PDS5B: variants seen among roughly 807,000 people sequenced by gnomAD.
PDS5B encodes PDS5 cohesin associated factor B.
A neutral mutation model predicts 184.1 loss-of-function variants in PDS5B; 51 were observed. The ratio of observed to expected loss-of-function variants is 0.28; its 90% confidence interval spans 0.22 to 0.35. PDS5B has a LOEUF of 0.35. Ranked by LOEUF, PDS5B falls within the 10% of genes least tolerant of loss-of-function variation. The pLI is 1.00. For missense variants in PDS5B, 1,180 were observed against 1,723.3 expected, an observed-to-expected ratio of 0.68 and a Z score of 5.58; for synonymous variants, 566 against 569.2, an observed-to-expected ratio of 0.99 and a Z score of 0.08.
chr13:32,672,747 C>T (rs918207471), intron 7 of PDS5B, among the ~76,000 whole-genome samples: 1 of 152,154 alleles, frequency 6.6e-6, no homozygotes, highest in Admixed American at 6.5e-5. Context: ...TTGGGCCTTC[C>T]AGCCTATTTG....
Position 32,683,869 on chromosome 13 carries a change from A to G in PDS5B, c.1058-9A>G, listed in dbSNP as rs779507292. The G allele has an allele frequency of 5.1e-6, 8 of 1,566,962 alleles. No homozygotes were observed. In the Admixed American group the frequency reaches 8.7e-5, roughly 17 times the overall value. Reference sequence around the variant, plus strand: ...AAAATTTCCACTGTAATAAAATGTTATCTTTCAGAGTATCTTAAAGTGAGG... The same window carrying G: ...AAAATTTCCACTGTAATAAAATGTTGTCTTTCAGAGTATCTTAAAGTGAGG... On this transcript the variant is annotated splice_polypyrimidine_tract_variant and intron_variant, in intron 10 of 34. Transcript: ENST00000315596.
chr13:32,659,975 G>A (rs529178336), intron 6 of PDS5B, among the ~76,000 whole-genome samples: 2 of 152,218 alleles, frequency 1.3e-5, no homozygotes, highest in Admixed American at 1.3e-4. Context: ...AACTCTTAAA[G>A]AAAACAGTCT....
chr13:32,751,924 A>G (rs963993278), intron 24 of PDS5B, among the ~76,000 whole-genome samples: 1 of 152,206 alleles, frequency 6.6e-6, no homozygotes, highest in Admixed American at 6.5e-5. Context: ...GAAATGAAAG[A>G]AGATTTTAAA....
chr13:32,768,635 A>G (rs956637213), intron 31 of PDS5B, among the ~76,000 whole-genome samples: 1 of 151,688 alleles, frequency 6.6e-6, no homozygotes, highest in Non-Finnish European at 1.5e-5. Context: ...TCTGCTAAAA[A>G]TACAAAAATT....
rs368080614 is a variant in PDS5B, at chr13:32,775,097, CTTTTTT to C, written c.*55_*60del. 4.6e-6 allele frequency: 4 copies of C among 864,550 alleles called. No homozygotes were observed. Among genetic ancestry groups the C allele is most frequent in the African/African-American group, 4.1e-5 (2 of 49,372 alleles). 53.6% of individuals were successfully genotyped at this position (864,550 alleles called of 1,614,324 possible). On this transcript the variant is annotated 3_prime_UTR_variant, in exon 35 of 35. Transcript: ENST00000315596. ...TTCTCTGTGAAAGCTTTGGAAAAAT[CTTTTTT>C]TTTTTTTTTGGTCAAGCTTGAGGCT...
At chr13:32,764,917 A>G (rs1172938411) in intron 31 of PDS5B, among the ~76,000 whole-genome samples, 1 of 152,084 alleles carries the variant, frequency 6.6e-6, no homozygotes, top group Admixed American at 6.6e-5. Context: ...TTGTTAACAT[A>G]GGATATTTAG....
chr13:32,682,286 TC>T (rs1291072621), intron 10 of PDS5B, among the ~76,000 whole-genome samples: 4 of 152,186 alleles, frequency 2.6e-5, no homozygotes, highest in Non-Finnish European at 5.9e-5. Flanking sequence ...TCCCCCTGTA[TC>T]CCCTTCCAGT....
intron 1 of PDS5B, among the ~76,000 whole-genome samples, chr13:32,638,119 A>G (rs1475416031): frequency 4.6e-5 from 7 of 152,152 alleles, no homozygotes; most frequent in Admixed American, 2.0e-4. Context: ...GTGCATATAC[A>G]TTCTAATTTT....
At chr13:32,718,489 G>T (rs1358299183) in intron 19 of PDS5B, among the ~76,000 whole-genome samples, 1 of 152,058 alleles carries the variant, frequency 6.6e-6, no homozygotes, top group Non-Finnish European at 1.5e-5. Flanking sequence ...TAATAAGATA[G>T]GAATCCGTAC....
At chr13:32,588,004 C>G (rs909294230) in intron 1 of PDS5B, among the ~76,000 whole-genome samples, 1 of 152,194 alleles carries the variant, frequency 6.6e-6, no homozygotes, top group Non-Finnish European at 1.5e-5. Flanking sequence ...GCAGTATAGT[C>G]ATTGTTCTCA....
chr13:32,706,887 C>A, intron 17 of PDS5B, 47 bp from the exon 18 acceptor site: 4 of 1,129,492 alleles, frequency 3.5e-6, no homozygotes, highest in East Asian at 2.4e-5. Context: ...TTTTCTTAGA[C>A]ATTGCTAGTA....
At chr13:32,642,555 A>G (rs1030920293) in intron 1 of PDS5B, among the ~76,000 whole-genome samples, 1 of 152,190 alleles carries the variant, frequency 6.6e-6, no homozygotes, top group African/African-American at 2.4e-5. Flanking sequence ...TTTTACTCAT[A>G]GGAAAAACAA....
At chr13:32,635,565 A>G (rs529651136) in intron 1 of PDS5B, among the ~76,000 whole-genome samples, 20 of 142,072 alleles carry the variant, frequency 1.4e-4, no homozygotes, top group African/African-American at 5.0e-4. Flanking sequence ...GATGGTCTTG[A>G]TCTCTTGACC....
In PDS5B at chr13:32,648,255, T is replaced by G. The variant is rs182443369; in HGVS notation, c.-19-499T>G. ...ACATTAATGTCAGGAGAGTTTCCTA[T>G]TTGACTGTCTGCCTTGATATGTTCA... is the stretch of plus-strand genomic sequence containing the variant. On this transcript the variant is annotated intron_variant, in intron 1 of 34. Coordinates refer to ENST00000315596, the MANE Select transcript of PDS5B (RefSeq NM_015032.4). 3.1e-4 allele frequency among the ~76,000 whole-genome samples: 47 copies of G among 152,304 alleles called. No homozygotes were observed. In the South Asian group the frequency reaches 3.7e-3, roughly 12 times the overall value.
chr13:32,611,154 C>G (rs1356400857), intron 1 of PDS5B, among the ~76,000 whole-genome samples: 1 of 152,138 alleles, frequency 6.6e-6, no homozygotes, highest in Non-Finnish European at 1.5e-5. Context: ...AACCTCCTTT[C>G]TAAGCGTTTT....
intron 34 of PDS5B, among the ~76,000 whole-genome samples, chr13:32,773,965 G>A (rs1416639042): frequency 2.6e-5 from 4 of 152,116 alleles, no homozygotes; most frequent in Admixed American, 6.5e-5. Flanking sequence ...CACTGTGCCC[G>A]ACTAGTTTTT....
chr13:32,599,921 A>C (rs1212314617), intron 1 of PDS5B, among the ~76,000 whole-genome samples: 1 of 152,098 alleles, frequency 6.6e-6, no homozygotes, highest in Non-Finnish European at 1.5e-5. Flanking sequence ...TCTCAAAAAA[A>C]ACAAAAACAA....
chr13:32,737,115 A>C (rs1010233379), intron 21 of PDS5B, among the ~76,000 whole-genome samples: 1 of 152,060 alleles, frequency 6.6e-6, no homozygotes, highest in African/African-American at 2.4e-5. Context: ...TACCTTGTAC[A>C]TATATTGCTT....
At chr13:32,747,993 T>G (rs982412554) in intron 24 of PDS5B, among the ~76,000 whole-genome samples, 15 of 152,226 alleles carry the variant, frequency 9.9e-5, no homozygotes, top group African/African-American at 3.6e-4. Context: ...TGTTATACAT[T>G]GCCACCTCAA....
Sources: allele counts gnomAD v4.1 joint callset (sites outside exome capture counted in the v4.1 genomes callset), GRCh38; gene constraint gnomAD v4.1.1; transcripts MANE v1.5; gene names NCBI Gene and HGNC (gene_info 2026-07-23, HGNC 2026-07-21).